The following GNA14 variants were observed in gnomAD, a reference collection of about 807,000 sequenced individuals.
GNA14 encodes G protein subunit alpha 14.
A neutral mutation model predicts 42.0 loss-of-function variants in GNA14; 50 were observed. The ratio of observed to expected loss-of-function variants is 1.19; its 90% CI spans 0.95 to 1.51. GNA14 has a LOEUF of 1.51. Ranked by LOEUF, GNA14 falls within the 40% of genes most tolerant of loss-of-function variation. The pLI is 0.00. For synonymous variants in GNA14, 173 were observed against 163.1 expected (o/e 1.06, Z -0.46); for missense variants, 473 against 446.2 (o/e 1.06, Z -0.54).
At chr9:77,428,239 C>A (rs1004931700) in intron 5 of GNA14, among the ~76,000 whole-genome samples, 1 of 151,890 alleles carries the variant, frequency 6.6e-6, no homozygotes, top group East Asian at 1.9e-4. Context: ...CCACCACGCC[C>A]GGCTAATTTT....
intron 1 of GNA14, among the ~76,000 whole-genome samples, chr9:77,591,343 G>A (rs1023370538): frequency 2.0e-5 from 3 of 152,160 alleles, no homozygotes; most frequent in Admixed American, 2.0e-4. Context: ...TGAGTATCTG[G>A]TGTGAAGTTA....
chr9:77,606,289 G>A (rs1402974473), intron 1 of GNA14, among the ~76,000 whole-genome samples: 1 of 152,152 alleles, frequency 6.6e-6, no homozygotes, highest in East Asian at 1.9e-4. Flanking sequence ...AGGAAAAGAA[G>A]CCTCATTCTT....
chr9:77,581,118 G>T (rs992382497), intron 1 of GNA14, among the ~76,000 whole-genome samples: 1 of 151,942 alleles, frequency 6.6e-6, no homozygotes, highest in Non-Finnish European at 1.5e-5. Flanking sequence ...AGATCTATCT[G>T]CAGTTCTCAT....
intron 2 of GNA14, among the ~76,000 whole-genome samples, chr9:77,483,052 A>C (rs988826259): frequency 1.6e-4 from 25 of 151,870 alleles, no homozygotes; most frequent in Non-Finnish European, 2.8e-4. Context: ...TCTTCTCTCA[A>C]CTCATCAAAG....
At chr9:77,590,115 A>T (rs1205968430) in intron 1 of GNA14, among the ~76,000 whole-genome samples, 1 of 152,062 alleles carries the variant, frequency 6.6e-6, no homozygotes, top group Non-Finnish European at 1.5e-5. Context: ...TGGGGTATCA[A>T]CCACATTGGC....
At chr9:77,598,693 G>C (rs575275774) in intron 1 of GNA14, among the ~76,000 whole-genome samples, 10 of 152,324 alleles carry the variant, frequency 6.6e-5, no homozygotes, top group African/African-American at 2.4e-4. Flanking sequence ...ATTCTTCACA[G>C]AGTTCTTAGT....
Position 77,452,565 on chromosome 9 carries a change from T to TATGTGCATGTGTATGTGTGTGTGTG in GNA14, c.310-18044_310-18043insCACACACACACATACACATGCACAT, listed in dbSNP as rs1554688226. On this transcript the variant is annotated intron_variant, in intron 2 of 6. Coordinates refer to ENST00000341700, the MANE Select transcript of GNA14 (RefSeq NM_004297.4). The stretch of plus-strand genomic sequence containing the variant: ...CTGCACACAAGTGTGTGTGTGTGTG[T>TATGTGCATGTGTATGTGTGTGTGTG]GTGTGTATGTGCATGTGTATGTGTG... 4.5e-3 allele frequency among the ~76,000 whole-genome samples: 30 copies of TATGTGCATGTGTATGTGTGTGTGTG among 6,734 alleles called. 1 individual carries two copies. The highest frequency in any genetic ancestry group is 6.3e-3 in the Non-Finnish European group (19 of 3,004). The allele number at this position is 6,734 out of a possible 152,430, so 4.4% of individuals were successfully genotyped here. A position where few individuals can be genotyped will look rare whatever the true frequency, so the allele number is the denominator to read the frequency against.
Position 77,479,953 on chromosome 9 carries a change from G to A in GNA14, c.310-45431C>T, listed in dbSNP as rs1587788291. On this transcript the variant is annotated intron_variant, in intron 2 of 6. Coordinates refer to ENST00000341700, the MANE Select transcript of GNA14 (RefSeq NM_004297.4). The stretch of plus-strand genomic sequence containing the variant: ...TATCAGCTTAAGGAGATTTTGGGCT[G>A]AAATGATGGGGTTTTCTAGGTATAC... Among the ~76,000 whole-genome samples, 4 of 152,268 alleles carry A rather than the reference G, an allele frequency of 2.6e-5. No individual in the cohort carries two copies. The East Asian group carries it at 5.8e-4, about 22-fold the overall frequency.
Position 77,564,219 on chromosome 9 carries a change from C to A in GNA14, c.125-34966G>T, listed in dbSNP as rs1171152131. Reference sequence around the variant, plus strand: ...CTCAATCCTGGCCACACTTTGGAATCATCTGAAGAGCTTAAGATGGAAGTC... The same window carrying A: ...CTCAATCCTGGCCACACTTTGGAATAATCTGAAGAGCTTAAGATGGAAGTC... On this transcript the variant is annotated intron_variant, in intron 1 of 6. Coordinates refer to ENST00000341700, the MANE Select transcript of GNA14 (RefSeq NM_004297.4). 7.3e-5 allele frequency among the ~76,000 whole-genome samples: 11 copies of A among 150,760 alleles called. No homozygotes were observed. In the Admixed American group the frequency reaches 7.3e-4, roughly 10 times the overall value.
intron 1 of GNA14, among the ~76,000 whole-genome samples, chr9:77,607,738 C>T (rs1823662039): frequency 6.6e-6 from 1 of 152,138 alleles, no homozygotes; most frequent in South Asian, 2.1e-4. Flanking sequence ...TTTTCGCCAA[C>T]AATTTAGTTC....
intron 1 of GNA14, among the ~76,000 whole-genome samples, chr9:77,641,080 GGGAGGGGAGGGGAGGGGGGGGAA>G (rs1824252064): frequency 2.4e-5 from 1 of 40,914 alleles, no homozygotes; most frequent in African/African-American, 1.3e-4. Flanking sequence ...GGGAGGGGAG[GGGAGGGGAGGGGAGGGGGGGGAA>G]GGAAGGAAGG....
intron 2 of GNA14, among the ~76,000 whole-genome samples, chr9:77,473,860 T>C (rs1836373641): frequency 6.6e-6 from 1 of 152,102 alleles, no homozygotes; most frequent in Admixed American, 6.5e-5. Flanking sequence ...AGCCCTCAAA[T>C]TTATAGTCAA....
intron 1 of GNA14, among the ~76,000 whole-genome samples, chr9:77,575,974 G>C (rs1325024660): frequency 3.3e-5 from 5 of 152,232 alleles, no homozygotes; most frequent in Non-Finnish European, 7.3e-5. Context: ...GGGGGTAGAA[G>C]CTGCACCGCT....
intron 2 of GNA14, among the ~76,000 whole-genome samples, chr9:77,454,003 A>G (rs983050043): frequency 1.3e-5 from 2 of 152,234 alleles, no homozygotes; most frequent in African/African-American, 4.8e-5. Context: ...TGAAAGCTTC[A>G]TGATTCAGTA....
rs769089431 is a variant in GNA14, at chr9:77,425,633, A to C, written c.806T>G (p.Leu269Trp). 1.5e-5 allele frequency: 24 copies of C among 1,608,862 alleles called. No homozygotes were observed. The highest frequency in any genetic ancestry group is 1.2e-4 in the South Asian group (11 of 90,932). The change falls in exon 6 of 7, where the codon TTG (leucine) becomes TGG (tryptophan). Residue 269 changes from leucine (L) to tryptophan (W), a missense_variant. Physicochemically the swap from Leu to Trp is moderately conservative, Grantham distance 61. Coordinates refer to ENST00000341700, the MANE Select transcript of GNA14 (RefSeq NM_004297.4). Reference sequence around the variant, plus strand: ...CTCTTCCAAAAGATCCTTCTTGTTCAAGAATAAAATCACAGACGAATTCAG... The same window carrying C: ...CTCTTCCAAAAGATCCTTCTTGTTCCAGAATAAAATCACAGACGAATTCAG... The part of the protein sequence containing the change: ...WFLNSSVILF[L>W]NKKDLLEEKI...
intron 1 of GNA14, among the ~76,000 whole-genome samples, chr9:77,635,749 C>G (rs181034490): frequency 2.5e-3 from 388 of 152,238 alleles, no homozygotes; most frequent in Non-Finnish European, 4.2e-3. Context: ...GCCTTAGAAA[C>G]TAGGAAATTC....
intron 2 of GNA14, among the ~76,000 whole-genome samples, chr9:77,493,026 A>AAAAAAT (rs1554691641): frequency 9.7e-5 from 5 of 51,726 alleles, no homozygotes; most frequent in African/African-American, 5.7e-4. Context: ...AAAAAAAAAA[A>AAAAAAT]ATATATATAT....
intron 1 of GNA14, among the ~76,000 whole-genome samples, chr9:77,587,665 T>C (rs529697352): frequency 6.2e-4 from 95 of 152,302 alleles, no homozygotes; most frequent in African/African-American, 2.1e-3. Context: ...CTAGTATGTA[T>C]GGAGTTTCTT....
intron 1 of GNA14, among the ~76,000 whole-genome samples, chr9:77,626,101 A>G: frequency 6.6e-6 from 1 of 152,178 alleles, no homozygotes; most frequent in East Asian, 1.9e-4. Context: ...CTAGTCTCTG[A>G]TAAAACAGAC....
Sources: gnomAD v4.1 joint callset for allele counts (sites outside exome capture counted in the v4.1 genomes callset) on GRCh38, gnomAD v4.1.1 for gene constraint, MANE v1.5 for transcripts, NCBI Gene and HGNC (gene_info 2026-07-23, HGNC 2026-07-21) for gene names.